The following RNF126 variants were observed in gnomAD, a reference collection of about 807,000 sequenced individuals.
RNF126 encodes ring finger protein 126, also known as E3 ubiquitin-protein ligase RNF126.
Under a neutral mutation model 41.9 loss-of-function variants are expected in RNF126, and 20 were observed. That is an observed-to-expected ratio of 0.48 (90% CI 0.34 to 0.69). The LOEUF (loss-of-function observed/expected upper bound fraction) is 0.69, where lower values mean the gene tolerates loss of function less well. RNF126 is among the 30% of genes least tolerant of loss of function. The pLI is 0.01. For missense variants in RNF126, 433 were observed against 460.6 expected, an observed-to-expected ratio of 0.94 and a Z score of 0.55; for synonymous variants, 239 against 202.9, an observed-to-expected ratio of 1.18 and a Z score of -1.51.
In RNF126 at chr19:648,211, G is replaced by C; in HGVS notation, c.853C>G (p.Leu285Val). The change falls in exon 9 of 9, where the codon CTC becomes GTC. Residue 285 changes from leucine to valine, a missense_variant. By Grantham distance (32) the Leu-to-Val change is conservative (BLOSUM62 1). Around this residue, in one of 5 missense-constraint regions of RNF126, gnomAD observed 63 missense variants for 47.9 expected, o/e 1.32. Coordinates refer to ENST00000292363, the MANE Select transcript of RNF126 (RefSeq NM_194460.3). ...GQNTATNPPG[L>V]TGVSFSSSSS... ...GAGGAGGAGAAGCTCACCCCAGTGA[G>C]GCCAGGGGGGTTCGTGGCCGTGTTC... The C allele has an allele frequency of 6.2e-7, 1 of 1,605,560 alleles. No homozygotes were observed. Among genetic ancestry groups the C allele is most frequent in the Middle Eastern group, 1.7e-4 (1 of 6,046 alleles).
chr19:652,905 C>T (rs962559631), intron 1 of RNF126, 21 bp from the exon 2 acceptor site: 5 of 1,610,204 alleles, frequency 3.1e-6, no homozygotes, highest in Non-Finnish European at 4.2e-6. Context: ...GAACAGGAGG[C>T]CGGGTCACGG....
At chr19:655,543 C>G (rs917656760) in intron 1 of RNF126, among the ~76,000 whole-genome samples, 1 of 151,848 alleles carries the variant, frequency 6.6e-6, no homozygotes, top group Non-Finnish European at 1.5e-5. Context: ...TCCAAAAACA[C>G]GCTGGGTAAA....
intron 1 of RNF126, among the ~76,000 whole-genome samples, chr19:658,493 C>A (rs1370259163): frequency 2.0e-5 from 3 of 151,976 alleles, no homozygotes; most frequent in Admixed American, 2.0e-4. Flanking sequence ...TAGGAGCCCC[C>A]GTGCTGGCTA....
At chr19:656,633 G>A (rs138719773) in intron 1 of RNF126, among the ~76,000 whole-genome samples, 2 of 152,292 alleles carry the variant, frequency 1.3e-5, no homozygotes, top group East Asian at 3.9e-4. Context: ...GGGCCACAGA[G>A]TGAGACCGTG....
chr19:654,642 CAAAAAAAAAAAAAAAAA>C lies in RNF126; in HGVS notation c.76-1775_76-1759del, dbSNP rs56141012. The stretch of plus-strand genomic sequence containing the variant: ...TGGGCGAGGGAGCAAGACTCCGTCT[CAAAAAAAAAAAAAAAAA>C]AAAAAAAAAAAAAAAAAAAAGTGCT... On this transcript the variant is annotated intron_variant, in intron 1 of 8. Transcript: ENST00000292363. Among the ~76,000 whole-genome samples the C allele has an allele frequency of 3.0e-3, 73 of 24,638 alleles. 2 individuals carry two copies. In the South Asian group the frequency reaches 0.048, roughly 16 times the overall value. 16.2% of individuals were successfully genotyped at this position (24,638 alleles called of 152,430 possible).
chr19:652,338 C>G (rs766787404), intron 2 of RNF126, 42 bp from the exon 3 acceptor site: 39 of 1,486,934 alleles, frequency 2.6e-5, no homozygotes, highest in Non-Finnish European at 3.4e-5. Context: ...CTACCCTGTG[C>G]CCCCATGCGC....
At chr19:650,390 G>T (rs1237400640) in intron 4 of RNF126, 94 bp from the exon 5 acceptor site, 1 of 1,007,808 alleles carries the variant, frequency 9.9e-7, no homozygotes, top group Non-Finnish European at 1.5e-6. Context: ...CAAGGGCAGG[G>T]CCAGCATCAG....
chr19:648,537 G>C, intron 7 of RNF126, 50 bp from the exon 8 acceptor site: 1 of 1,406,032 alleles, frequency 7.1e-7, no homozygotes, highest in Non-Finnish European at 9.7e-7. Context: ...GGCCTGCCGA[G>C]CCTTCAAGGG....
intron 6 of RNF126, 197 bp from the exon 7 acceptor site, chr19:649,172 A>T: frequency 1.1e-5 from 2 of 189,976 alleles, no homozygotes; most frequent in Non-Finnish European, 1.0e-5. Flanking sequence ...TGACGGTGGA[A>T]TGGGGGAATG....
At position 648,356 on chromosome 19, in the gene RNF126, T is replaced by TTGGGGGG; in HGVS notation, c.786+15_786+16insCCCCCCA. On this transcript the variant is annotated intron_variant, in intron 8 of 8. Transcript: ENST00000292363. ...GCCGCGGTCGGGGTGGGGGGGCGGGTGGGCGGGGCACTCACCTGCTCCAGC... is the reference window on the plus strand; with the variant it reads ...GCCGCGGTCGGGGTGGGGGGGCGGGTTGGGGGGGGGCGGGGCACTCACCTGCTCCAGC... 5.7e-6 allele frequency: 1 copy of TTGGGGGG among 174,908 alleles called. No homozygotes were observed. Among genetic ancestry groups the TTGGGGGG allele is most frequent in the Non-Finnish European group, 9.5e-6 (1 of 105,482 alleles). 10.8% of individuals were successfully genotyped at this position (174,908 alleles called of 1,614,324 possible).
intron 1 of RNF126, among the ~76,000 whole-genome samples, chr19:656,836 C>T (rs547110718): frequency 2.1e-4 from 32 of 152,296 alleles, no homozygotes; most frequent in African/African-American, 7.2e-4. Flanking sequence ...TGAGACTTCA[C>T]AGTCAAATCT....
rs773443079 is a variant in RNF126, at chr19:651,835, G to C, written c.219C>G (p.Phe73Leu). 6.2e-7 allele frequency: 1 copy of C among 1,611,334 alleles called. No individual in the cohort carries two copies. The highest frequency in any genetic ancestry group is 8.5e-7 in the Non-Finnish European group (1 of 1,179,296). Residue 73 changes from phenylalanine to leucine, a missense_variant, in exon 4 of 9, where the codon TTC becomes TTG. Phe to Leu is a conservative substitution (Grantham distance 22, BLOSUM62 0). This residue lies in a region of RNF126 where 247 missense variants were observed against 224.7 expected (regional missense o/e 1.10). Coordinates refer to ENST00000292363, the MANE Select transcript of RNF126 (RefSeq NM_194460.3). The part of the protein sequence containing the change: ...PPLEHVDQHL[F>L]TLPQGYGQFA... ...ACTGTCCGTAGCCCTGCGGCAGCGT[G>C]AACAGGTGCTGGTCCACGTGCTGGG... is the stretch of plus-strand genomic sequence containing the variant.
rs764491256 is a variant in RNF126, at chr19:652,226, G to A, written c.198+7C>T. The stretch of plus-strand genomic sequence containing the variant: ...CGATCGGGAAGCACGAGGGGCGGGC[G>A]ACTCACCTCCAACGGTGGCCGGCTC... On this transcript the variant is annotated splice_region_variant and intron_variant, in intron 3 of 8. Coordinates refer to ENST00000292363, the MANE Select transcript of RNF126 (RefSeq NM_194460.3). The A allele has an allele frequency of 1.2e-5, 19 of 1,522,548 alleles. No individual in the cohort carries two copies. The highest frequency in any genetic ancestry group is 1.7e-4 in the Middle Eastern group (1 of 5,748). The allele number at this position is 1,522,548 out of a possible 1,614,324, so 94.3% of individuals were successfully genotyped here.
intron 1 of RNF126, among the ~76,000 whole-genome samples, chr19:660,357 C>T (rs556649313): frequency 7.9e-5 from 12 of 152,386 alleles, no homozygotes; most frequent in South Asian, 6.2e-4. Context: ...AGGCCCGGAA[C>T]GGCCCAGCTG....
chr19:650,282 AGCT>A lies in RNF126; in HGVS notation c.455_457del (p.Gln152del). On this transcript the variant is annotated inframe_deletion, in exon 5 of 9. Transcript: ENST00000292363. ...GGCGGGCGTGATGATGCCGTTGACG[AGCT>A]GCTGGATGATCCTGGAAAAGAGAGC... The A allele has an allele frequency of 6.3e-7, 1 of 1,581,736 alleles. No individual in the cohort carries two copies. Among genetic ancestry groups the A allele is most frequent in the Non-Finnish European group, 8.6e-7 (1 of 1,165,352 alleles).
At position 652,265 on chromosome 19, in the gene RNF126, C is replaced by T. The variant is rs749741459; in HGVS notation, c.166G>A (p.Ala56Thr). 3.9e-6 allele frequency: 6 copies of T among 1,551,684 alleles called. No homozygotes were observed. In the South Asian group the frequency reaches 5.0e-5, roughly 13 times the overall value. The part of the protein sequence containing the change: ...STENGSAPST[A>T]PTDQSRPPLE... ...GGTGGCCGGCTCTGGTCTGTGGGAGCTGTGGAGGGGGCAGAACCATTTTCT... is the reference window on the plus strand; with the variant it reads ...GGTGGCCGGCTCTGGTCTGTGGGAGTTGTGGAGGGGGCAGAACCATTTTCT... The change falls in exon 3 of 9, where the codon GCT (alanine) becomes ACT (threonine). Residue 56 changes from alanine to threonine, a missense_variant. Physicochemically the swap from Ala to Thr is moderately conservative, Grantham distance 58. Coordinates refer to ENST00000292363, the MANE Select transcript of RNF126 (RefSeq NM_194460.3).
chr19:650,260 G>A lies in RNF126; in HGVS notation c.480C>T (p.Pro160=), dbSNP rs150175128. Residue 160 remains proline, a synonymous_variant, in exon 5 of 9, where the codon CCC becomes CCT. Coordinates refer to ENST00000292363, the MANE Select transcript of RNF126 (RefSeq NM_194460.3). ...IQQLVNGIIT[P]ATIPSLGPWG... ...AGGGGCCCAGGCTGGGGATGGTGGC[G>A]GGCGTGATGATGCCGTTGACGAGCT... 253 of 1,581,986 alleles carry A rather than the reference G, an allele frequency of 1.6e-4. 1 individual carries two copies. Among genetic ancestry groups the A allele is most frequent in the African/African-American group, 3.9e-4 (29 of 74,684 alleles).
At position 652,779 on chromosome 19, in the gene RNF126, G is replaced by A. The variant is rs1375416522; in HGVS notation, c.134+47C>T. ...CACAGCCCACACCCCTACAACAGCT[G>A]AGGCCCGGCTGGCTCTTCCAGCCTC... On this transcript the variant is annotated intron_variant, in intron 2 of 8. Transcript: ENST00000292363. 8.3e-6 allele frequency: 13 copies of A among 1,575,182 alleles called. No homozygotes were observed. The East Asian group carries it at 1.8e-4, about 22-fold the overall frequency.
At position 648,180 on chromosome 19, in the gene RNF126, G is replaced by A; in HGVS notation, c.884C>T (p.Ser295Leu). The A allele has an allele frequency of 6.2e-7, 1 of 1,607,008 alleles. No homozygotes were observed. The highest frequency in any genetic ancestry group is 8.5e-7 in the Non-Finnish European group (1 of 1,175,776). The change falls in exon 9 of 9, where the codon TCA becomes TTA. Residue 295 changes from serine (S) to leucine (L), a missense_variant. Coordinates refer to ENST00000292363, the MANE Select transcript of RNF126 (RefSeq NM_194460.3). Reference sequence around the variant, plus strand: ...GCTGGGCGAGCTGGAGGAGGACGATGACGACGAGGAGGAGAAGCTCACCCC... The same window carrying A: ...GCTGGGCGAGCTGGAGGAGGACGATAACGACGAGGAGGAGAAGCTCACCCC... ...LTGVSFSSSS[S>L]SSSSSSPSNE...
Sources: gnomAD v4.1 joint callset for allele counts (sites outside exome capture counted in the v4.1 genomes callset) on GRCh38, gnomAD v4.1.1 for gene constraint, gnomAD v4.1.1 regional missense constraint, MANE v1.5 for transcripts, NCBI Gene and HGNC (gene_info 2026-07-23, HGNC 2026-07-21) for gene names.